DPP6: variants seen among roughly 807,000 people sequenced by gnomAD.
DPP6 encodes the protein dipeptidyl peptidase like 6.
A neutral mutation model predicts 122.6 loss-of-function variants in DPP6; 69 were observed. That is an observed-to-expected ratio of 0.56 (90% CI 0.46 to 0.69). The LOEUF is 0.69. DPP6 is among the 30% of genes least tolerant of loss of function. The pLI is 0.00. For synonymous variants in DPP6, 418 were observed against 433.1 expected (o/e 0.97, Z 0.43); for missense variants, 928 against 1,116.9 (o/e 0.83, Z 2.41).
chr7:154,417,132 C>T (rs1016682363), intron 1 of DPP6, among the ~76,000 whole-genome samples: 2 of 152,182 alleles, frequency 1.3e-5, no homozygotes, highest in African/African-American at 4.8e-5. Flanking sequence ...GTGAATGAAG[C>T]AAGTCTGAGG....
intron 1 of DPP6, among the ~76,000 whole-genome samples, chr7:153,993,213 A>G (rs1003700729): frequency 4.6e-5 from 7 of 152,188 alleles, no homozygotes; most frequent in Non-Finnish European, 1.0e-4. Context: ...AGGGCCTGTA[A>G]CCTAGCAGGG....
chr7:154,600,152 G>T (rs993796187), intron 5 of DPP6, among the ~76,000 whole-genome samples: 1 of 151,756 alleles, frequency 6.6e-6, no homozygotes, highest in Non-Finnish European at 1.5e-5. Flanking sequence ...TTCTGAGATG[G>T]AGTCTCACTC....
At chr7:153,857,330 C>CTCTCTCTCTCTCTG in the DPP6 span, among the ~76,000 whole-genome samples, 1 of 131,854 alleles carries the variant, frequency 7.6e-6, no homozygotes, top group Non-Finnish European at 1.7e-5. Flanking sequence ...TTTTCTCTCT[C>CTCTCTCTCTCTCTG]TCTCTCTCTC....
intron 5 of DPP6, among the ~76,000 whole-genome samples, chr7:154,607,146 G>A (rs528521295): frequency 8.3e-6 from 1 of 120,870 alleles, no homozygotes; most frequent in African/African-American, 2.6e-5. Flanking sequence ...GATCTCTCAC[G>A]TATTTTTCCT....
chr7:154,481,751 C>G lies in DPP6; in HGVS notation c.457+6714C>G, dbSNP rs1273873730. 6.6e-6 allele frequency among the ~76,000 whole-genome samples: 1 copy of G among 152,174 alleles called. No homozygotes were observed. Among genetic ancestry groups the G allele is most frequent in the Non-Finnish European group, 1.5e-5 (1 of 68,038 alleles). On this transcript the variant is annotated intron_variant, in intron 3 of 25. Coordinates refer to ENST00000377770, the MANE Select transcript of DPP6 (RefSeq NM_130797.4). This position sits in a 1 kb window ranked among gnomAD's most constrained non-coding sequence, Gnocchi z 4.2. ...CACTTGTGATCACTCCTAGTCACCACCCTGCATGTTATCTTTTTCCTTTAA... is the reference window on the plus strand; with the variant it reads ...CACTTGTGATCACTCCTAGTCACCAGCCTGCATGTTATCTTTTTCCTTTAA...
intron 1 of DPP6, among the ~76,000 whole-genome samples, chr7:154,346,235 T>C (rs1586009896): frequency 6.6e-6 from 1 of 152,186 alleles, no homozygotes; most frequent in African/African-American, 2.4e-5. Flanking sequence ...CTTCACATAC[T>C]GGGAGGAAAC....
At chr7:154,540,974 T>G (rs1490618949) in intron 4 of DPP6, among the ~76,000 whole-genome samples, 2 of 152,180 alleles carry the variant, frequency 1.3e-5, no homozygotes, top group Non-Finnish European at 2.9e-5. Context: ...CAATCCTGTT[T>G]AAAAAAAGCT....
Position 154,062,938 on chromosome 7 carries a change from A to C in DPP6, c.243+9875A>C, listed in dbSNP as rs1212314007. On this transcript the variant is annotated intron_variant, in intron 1 of 25. Transcript: ENST00000377770. ...GGAGGACTGTGGGTGTTAGTTGTCC[A>C]GGTAGAAATTTCAAATCTTCCGACG... is the stretch of plus-strand genomic sequence containing the variant. 1.5e-5 allele frequency among the ~76,000 whole-genome samples: 2 copies of C among 134,142 alleles called. 1 individual carries two copies. The highest frequency in any genetic ancestry group is 3.3e-5 in the Non-Finnish European group (2 of 61,166). 88.0% of individuals were successfully genotyped at this position (134,142 alleles called of 152,430 possible). A position where few individuals can be genotyped will look rare whatever the true frequency, so the allele number is the denominator to read the frequency against.
At chr7:153,922,295 G>C (rs991304277) in intron 1 of DPP6, among the ~76,000 whole-genome samples, 25 of 152,186 alleles carry the variant, frequency 1.6e-4, no homozygotes, top group Admixed American at 1.4e-3. Context: ...GAGTCCAGGA[G>C]TCTGAGACCA....
chr7:154,861,467 T>G (rs1803390140), intron 17 of DPP6, among the ~76,000 whole-genome samples: 1 of 152,200 alleles, frequency 6.6e-6, no homozygotes, highest in South Asian at 2.1e-4. Flanking sequence ...ACATCCTTCC[T>G]TTTCCTCCTC....
At chr7:154,065,134 A>G (rs1414579452) in intron 1 of DPP6, among the ~76,000 whole-genome samples, 2 of 151,932 alleles carry the variant, frequency 1.3e-5, no homozygotes, top group East Asian at 1.9e-4. Context: ...CATCCTCACC[A>G]TTGTCACTAT....
At chr7:154,097,025 T>C (rs540038653) in intron 1 of DPP6, among the ~76,000 whole-genome samples, 2 of 152,344 alleles carry the variant, frequency 1.3e-5, no homozygotes, top group African/African-American at 4.8e-5. Flanking sequence ...GTAGAGGTGA[T>C]GGGATGGACC....
chr7:153,922,873 C>T (rs1158417581), intron 1 of DPP6, among the ~76,000 whole-genome samples: 1 of 152,122 alleles, frequency 6.6e-6, no homozygotes, highest in East Asian at 1.9e-4. Context: ...AGTCTTTGGA[C>T]AACAATCAAA....
exon 1 of DPP6, chr7:153,887,381 TCCTC>T: frequency 3.7e-6 from 1 of 270,180 alleles, no homozygotes; most frequent in Non-Finnish European, 7.1e-6. Context: ...CGCAGCCTCT[TCCTC>T]CCTCCCTGGC....
At position 154,241,185 on chromosome 7, in the gene DPP6, A is replaced by ATGCGCGTG. The variant is rs34454400; in HGVS notation, c.243+188124_243+188125insCGCGTGTG. ...GCACAGTAGGTAATTCAATATCAATATGTGTGTGTGTGTGTGTGTGTGTGT... is the reference window on the plus strand; with the variant it reads ...GCACAGTAGGTAATTCAATATCAATATGCGCGTGTGTGTGTGTGTGTGTGTGTGTGTGT... On this transcript the variant is annotated intron_variant, in intron 1 of 25. Transcript: ENST00000377770. The surrounding 1 kb of genome is among the most constrained non-coding windows in gnomAD (Gnocchi z 9.0). Among the ~76,000 whole-genome samples the ATGCGCGTG allele has an allele frequency of 7.3e-6, 1 of 136,212 alleles. No individual in the cohort carries two copies. Among genetic ancestry groups the ATGCGCGTG allele is most frequent in the African/African-American group, 2.8e-5 (1 of 35,690 alleles). 89.4% of individuals were successfully genotyped at this position (136,212 alleles called of 152,430 possible).
rs141787569 is a variant in DPP6 at position 153,998,343 on chromosome 7, C to A, written c.51+110609C>A. On this transcript the variant is annotated intron_variant, in intron 1 of 25. Transcript: ENST00000404039. ...TTTCATGGTATAAGAATGCAGTAAT[C>A]GAATAAATCCTTGCTCTTCTCAGCA... Among the ~76,000 whole-genome samples the A allele has an allele frequency of 8.2e-3, 1,244 of 152,266 alleles. 5 individuals are homozygous for A. The highest frequency in any genetic ancestry group is 0.024 in the Middle Eastern group (7 of 292).
rs931028951 is a variant in DPP6, at chr7:154,475,015, C to A, written c.435C>A (p.Asp145Glu). ...DLFSEDFKIH[D>E]PEAKWISDTE... The stretch of plus-strand genomic sequence containing the variant: ...TCAGTGAAGACTTCAAAATTCATGA[C>A]CCCGAGGCTAAGTGGATAAGTGGTG... Residue 145 changes from aspartate (D) to glutamate (E), a missense_variant, in exon 3 of 26, where the codon GAC (aspartate) becomes GAA (glutamate). Transcript: ENST00000377770. The A allele has an allele frequency of 3.1e-6, 5 of 1,613,460 alleles. No individual in the cohort carries two copies. Among genetic ancestry groups the A allele is most frequent in the African/African-American group, 1.3e-5 (1 of 74,872 alleles).
chr7:153,897,201 AT>A (rs1799450763), intron 1 of DPP6, among the ~76,000 whole-genome samples: 1 of 152,186 alleles, frequency 6.6e-6, no homozygotes, highest in African/African-American at 2.4e-5. Flanking sequence ...GGGGCTGGTT[AT>A]TTGAGGAGGA....
At chr7:154,310,366 G>A (rs1418931534) in intron 1 of DPP6, among the ~76,000 whole-genome samples, 2 of 152,194 alleles carry the variant, frequency 1.3e-5, no homozygotes, top group East Asian at 3.9e-4. Context: ...AATCTTTTGG[G>A]ATCCGTGTCA....
Sources: allele counts gnomAD v4.1 joint callset (sites outside exome capture counted in the v4.1 genomes callset), GRCh38; gene constraint gnomAD v4.1.1; non-coding constraint Gnocchi (gnomAD v3.1); transcripts MANE v1.5; gene names NCBI Gene and HGNC (gene_info 2026-07-23, HGNC 2026-07-21).